NXPE1: variants seen among roughly 807,000 people sequenced by gnomAD.
NXPE1 encodes neurexophilin and PC-esterase domain family member 1, also known as NXPE family member 1.
NXPE1 carries 31 observed loss-of-function variants against 33.3 expected under a neutral mutation model. The ratio of observed to expected loss-of-function variants is 0.93; its 90% confidence interval spans 0.70 to 1.26. The LOEUF is 1.26. Ranked by LOEUF, NXPE1 falls within the 50% of genes most tolerant of loss-of-function variation. The pLI, the probability that NXPE1 is intolerant of heterozygous loss-of-function variation, is 0.00. For missense variants in NXPE1, 661 were observed against 655.6 expected (o/e 1.01, Z -0.09); for synonymous variants, 229 against 231.4 (o/e 0.99, Z 0.09).
intron 1 of NXPE1, chr11:114,554,430 G>C: frequency 1.0e-6 from 1 of 957,850 alleles, no homozygotes; most frequent in South Asian, 4.8e-5. Flanking sequence ...AACATTCTTT[G>C]TGACATGGGC....
intron 5 of NXPE1, 110 bp from the exon 6 acceptor site, chr11:114,531,018 A>C: frequency 8.7e-7 from 1 of 1,150,434 alleles, no homozygotes; most frequent in Non-Finnish European, 1.2e-6. Flanking sequence ...ATTGAATTCA[A>C]TTTGTTACCA....
chr11:114,555,714 A>G (rs1397599902), intron 1 of NXPE1, among the ~76,000 whole-genome samples: 1 of 152,120 alleles, frequency 6.6e-6, no homozygotes, highest in Non-Finnish European at 1.5e-5. Context: ...ATAATCACAG[A>G]TTTAGTTTTT....
intron 5 of NXPE1, among the ~76,000 whole-genome samples, chr11:114,546,660 C>A (rs1948295388): frequency 6.6e-6 from 1 of 151,940 alleles, no homozygotes; most frequent in Non-Finnish European, 1.5e-5. Flanking sequence ...CCAATAGTAA[C>A]AAACAGAGCC....
intron 7 of NXPE1, 151 bp downstream of exon 7, chr11:114,527,689 C>T: frequency 1.9e-6 from 1 of 529,142 alleles, no homozygotes; most frequent in East Asian, 3.0e-5. Context: ...GAAATCATTT[C>T]CTTGAGTTCA....
chr11:114,522,037 A>G, exon 9 of NXPE1: 1 of 1,613,946 alleles, frequency 6.2e-7, no homozygotes, highest in Non-Finnish European at 8.5e-7. Context: ...GGATAGTGTC[A>G]GTGCCATATG....
intron 5 of NXPE1, among the ~76,000 whole-genome samples, chr11:114,542,420 G>A (rs2135057906): frequency 6.6e-6 from 1 of 152,216 alleles, no homozygotes; most frequent in East Asian, 1.9e-4. Flanking sequence ...TAATTGAAAA[G>A]TTTGATATGA....
chr11:114,535,699 T>C (rs959566027), intron 5 of NXPE1, among the ~76,000 whole-genome samples: 1 of 152,026 alleles, frequency 6.6e-6, no homozygotes, highest in Non-Finnish European at 1.5e-5. Flanking sequence ...CATTACATAA[T>C]GGTAAAGGAA....
chr11:114,542,908 C>A (rs1360602344), intron 5 of NXPE1, among the ~76,000 whole-genome samples: 2 of 152,122 alleles, frequency 1.3e-5, no homozygotes, highest in African/African-American at 4.8e-5. Context: ...CATACTGACA[C>A]CAAACATATT....
intron 5 of NXPE1, among the ~76,000 whole-genome samples, chr11:114,534,097 A>G (rs1947697271): frequency 6.6e-6 from 1 of 152,192 alleles, no homozygotes; most frequent in African/African-American, 2.4e-5. Context: ...CTTCCAGAGG[A>G]ACGATCAGGC....
chr11:114,528,025 G>C, intron 6 of NXPE1, 124 bp from the exon 7 acceptor site: 1 of 625,380 alleles, frequency 1.6e-6, no homozygotes, highest in Non-Finnish European at 2.7e-6. Flanking sequence ...TATTATTGTT[G>C]TAAATTTTAG....
chr11:114,530,872 A>G, exon 6 of NXPE1: 6 of 1,613,234 alleles, frequency 3.7e-6, no homozygotes, highest in Non-Finnish European at 5.1e-6. Context: ...TTGTTCCAGT[A>G]ATGGACAGAG....
chr11:114,527,636 C>CTCCTTTTGGATATA (rs1947411849), intron 7 of NXPE1, among the ~76,000 whole-genome samples: 1 of 152,182 alleles, frequency 6.6e-6, no homozygotes, highest in Admixed American at 6.5e-5. Context: ...CTAATACTTT[C>CTCCTTTTGGATATA]TCCTTTTGGA....
downstream of NXPE1, among the ~76,000 whole-genome samples, chr11:114,520,048 C>T (rs559484202): frequency 5.9e-5 from 9 of 152,098 alleles, no homozygotes; most frequent in Non-Finnish European, 1.0e-4. Context: ...GTGATCCTCC[C>T]GCTTAGGCCT....
At chr11:114,549,894 A>G (rs563612027) in intron 5 of NXPE1, among the ~76,000 whole-genome samples, 2,910 of 152,112 alleles carry the variant, frequency 0.019, 96 homozygotes, top group African/African-American at 0.067. Flanking sequence ...AGGAAATAAT[A>G]TATAAAAAAA....
Position 114,527,768 on chromosome 11 carries a change from T to A in NXPE1, c.895+72A>T, listed in dbSNP as rs186842426. 7.0e-4 allele frequency: 704 copies of A among 1,000,846 alleles called. 3 individuals are homozygous for A. In the African/African-American group the frequency reaches 9.8e-3, roughly 14 times the overall value. The allele number at this position is 1,000,846 out of a possible 1,614,324, so 62.0% of individuals were successfully genotyped here. A position where few individuals can be genotyped will look rare whatever the true frequency, so the allele number is the denominator to read the frequency against. On this transcript the variant is annotated intron_variant, in intron 7 of 8. Transcript: ENST00000534921. Reference sequence around the variant, plus strand: ...GCTAGGAATTGTGCTCCAGGAGAACTACAATTATTTAGGTTAATGCTGATA... The same window carrying A: ...GCTAGGAATTGTGCTCCAGGAGAACAACAATTATTTAGGTTAATGCTGATA...
intron 6 of NXPE1, chr11:114,528,763 C>T (rs1015268348): frequency 6.4e-6 from 4 of 625,594 alleles, no homozygotes; most frequent in Non-Finnish European, 1.2e-5. Context: ...GAATGAGGAC[C>T]CAGGTGCCAA....
rs1458766954 is a variant in NXPE1 at position 114,523,099 on chromosome 11, CA to C, written c.896-9del. 7 of 1,596,748 alleles carry C rather than the reference CA, an allele frequency of 4.4e-6. No individual in the cohort carries two copies. Among genetic ancestry groups the C allele is most frequent in the Non-Finnish European group, 6.0e-6 (7 of 1,164,910 alleles). On this transcript the variant is annotated splice_polypyrimidine_tract_variant and intron_variant, in intron 7 of 8. Coordinates refer to ENST00000534921, the Ensembl canonical transcript of NXPE1. ...CTTCTATTTTTTCTCTCTCTGGTAA[CA>C]AAGACACTCGTAAATGATTTTATTG...
At position 114,530,165 on chromosome 11, in the gene NXPE1, G is replaced by A; in HGVS notation, c.833+10C>T. 6.3e-7 allele frequency: 1 copy of A among 1,584,436 alleles called. No homozygotes were observed. The highest frequency in any genetic ancestry group is 1.2e-5 in the South Asian group (1 of 84,746). ...GGACACTTCTCAGTATACATGAAAA[G>A]TATACTCACCTGTGGAAAAGGCTGT... On this transcript the variant is annotated intron_variant, in intron 6 of 8. Coordinates refer to ENST00000534921, the Ensembl canonical transcript of NXPE1.
At chr11:114,545,255 C>T (rs1175511217) in intron 5 of NXPE1, among the ~76,000 whole-genome samples, 1 of 152,156 alleles carries the variant, frequency 6.6e-6, no homozygotes, top group Non-Finnish European at 1.5e-5. Flanking sequence ...CACACAAATA[C>T]CTGCACATGA....
Sources: gnomAD v4.1 joint callset for allele counts (sites outside exome capture counted in the v4.1 genomes callset) on GRCh38, gnomAD v4.1.1 for gene constraint, MANE v1.5 for transcripts, NCBI Gene and HGNC (gene_info 2026-07-23, HGNC 2026-07-21) for gene names.